Variants in ATP13A3 observed in about 807,000 individuals in gnomAD.
The protein encoded by ATP13A3 is ATPase 13A3, also known as polyamine-transporting ATPase 13A3.
A neutral mutation model predicts 158.1 loss-of-function variants in ATP13A3; 59 were observed. That is an observed-to-expected ratio of 0.37 (90% confidence interval 0.30 to 0.46). The LOEUF is 0.46. ATP13A3 is among the 20% of genes least tolerant of loss of function. The pLI, the probability that ATP13A3 is intolerant of heterozygous loss-of-function variation, is 1.00. For missense variants in ATP13A3, 1,166 were observed against 1,525.2 expected, an observed-to-expected ratio of 0.76 and a Z score of 3.92; for synonymous variants, 491 against 504.3, an observed-to-expected ratio of 0.97 and a Z score of 0.35.
At chr3:194,484,971 C>A (rs572459378) in intron 2 of ATP13A3, among the ~76,000 whole-genome samples, 1 of 151,620 alleles carries the variant, frequency 6.6e-6, no homozygotes, top group Non-Finnish European at 1.5e-5. Context: ...ACAGGAGAAT[C>A]GCTGAAACCC....
chr3:194,476,351 C>T (rs779350381), intron 2 of ATP13A3, among the ~76,000 whole-genome samples: 1 of 152,148 alleles, frequency 6.6e-6, no homozygotes, highest in Non-Finnish European at 1.5e-5. Context: ...GCTTCAGACC[C>T]ACAGATTCAA....
At chr3:194,478,003 A>C (rs957843767) in intron 2 of ATP13A3, among the ~76,000 whole-genome samples, 2 of 152,158 alleles carry the variant, frequency 1.3e-5, no homozygotes, top group Non-Finnish European at 2.9e-5. Flanking sequence ...CAGTGTCTTC[A>C]CTCTAGCCAA....
intron 24 of ATP13A3, 29 bp downstream of exon 24, chr3:194,430,914 C>A: frequency 6.5e-7 from 1 of 1,550,020 alleles, no homozygotes; most frequent in East Asian, 2.3e-5. Flanking sequence ...TCATCAAAAA[C>A]CAAAACCAAA....
chr3:194,480,707 G>T (rs954998176), intron 2 of ATP13A3, among the ~76,000 whole-genome samples: 8 of 152,090 alleles, frequency 5.3e-5, no homozygotes, highest in African/African-American at 1.9e-4. Context: ...TCACACTGTG[G>T]AGTCACATCA....
chr3:194,433,869 A>G lies in ATP13A3; in HGVS notation c.2148T>C (p.Phe716=). ...SRDAIENNMD[F]MGLIIMQNKL... is the part of the protein sequence containing the mutation. Reference sequence around the variant, plus strand: ...TGTTCTGCATTATAATTAATCCCATAAAATCCATGTTGTTCTCAATTGCAT... The same window carrying G: ...TGTTCTGCATTATAATTAATCCCATGAAATCCATGTTGTTCTCAATTGCAT... The change falls in exon 21 of 34, where the codon TTT becomes TTC. Residue 716 remains phenylalanine (F), a synonymous_variant. Coordinates refer to ENST00000645319, the MANE Select transcript of ATP13A3 (RefSeq NM_001367549.1). The G allele has an allele frequency of 6.2e-7, 1 of 1,613,962 alleles. No homozygotes were observed. The highest frequency in any genetic ancestry group is 8.5e-7 in the Non-Finnish European group (1 of 1,179,864).
At chr3:194,480,131 T>C (rs1720692344) in intron 2 of ATP13A3, among the ~76,000 whole-genome samples, 1 of 152,186 alleles carries the variant, frequency 6.6e-6, no homozygotes, top group Admixed American at 6.5e-5. Flanking sequence ...AATAATAAGT[T>C]ACCCTTCACT....
chr3:194,488,190 T>C (rs1375385428), upstream of ATP13A3: 1 of 152,320 alleles, frequency 6.6e-6, no homozygotes, highest in Non-Finnish European at 1.5e-5. This position sits in a 1 kb window ranked among gnomAD's most constrained non-coding sequence, Gnocchi z 4.1. Context: ...TTTTGTTTCA[T>C]ACCTCACCGT....
In ATP13A3 at chr3:194,441,358, G is replaced by T. The variant is rs1226707973; in HGVS notation, c.1663C>A (p.Leu555Ile). 1.9e-6 allele frequency: 3 copies of T among 1,613,644 alleles called. No homozygotes were observed. The highest frequency in any genetic ancestry group is 2.5e-6 in the Non-Finnish European group (3 of 1,179,690). The change falls in exon 16 of 34, where the codon CTC becomes ATC. Residue 555 changes from leucine to isoleucine, a missense_variant. Leu to Ile is a conservative substitution (Grantham distance 5). Transcript: ENST00000645319. Reference protein sequence around the residue: ...CHSLTKIEGVLSGDPLDLKMF... With the variant: ...CHSLTKIEGVISGDPLDLKMF... ...TTCAGATCAAGTGGATCACCAGAGA[G>T]CACTCCTTCAATTTTTGTAAGTGAA... is the stretch of plus-strand genomic sequence containing the variant.
upstream of ATP13A3, among the ~76,000 whole-genome samples, chr3:194,491,012 C>T (rs149830169): frequency 9.5e-3 from 1,449 of 152,252 alleles, 16 homozygotes; most frequent in African/African-American, 0.033. Flanking sequence ...GACGTGGTGG[C>T]GTGCGCCTGT....
At chr3:194,471,324 T>TAAAAAAAAAAAAAAAAAA (rs59967046) in intron 2 of ATP13A3, among the ~76,000 whole-genome samples, 6 of 88,094 alleles carry the variant, frequency 6.8e-5, no homozygotes, top group African/African-American at 1.8e-4. Flanking sequence ...CAGCAAATTC[T>TAAAAAAAAAAAAAAAAAA]AAAAAAAAAA....
At chr3:194,492,358 T>A (rs1461610138) in intron 2 of ATP13A3, among the ~76,000 whole-genome samples, 1 of 152,230 alleles carries the variant, frequency 6.6e-6, no homozygotes, top group East Asian at 1.9e-4. Flanking sequence ...TACAGGGAAT[T>A]GGTTTCAGAA....
chr3:194,437,616 C>T (rs1306105766), intron 17 of ATP13A3, 43 bp from the exon 18 acceptor site: 9 of 1,535,130 alleles, frequency 5.9e-6, no homozygotes, highest in African/African-American at 2.8e-5. Flanking sequence ...CAGATTAACT[C>T]TATTAACACA....
At chr3:194,436,331 G>A (rs931490585) in intron 20 of ATP13A3, among the ~76,000 whole-genome samples, 6 of 152,234 alleles carry the variant, frequency 3.9e-5, no homozygotes, top group Non-Finnish European at 5.9e-5. Flanking sequence ...GTCATTTGAC[G>A]GGGGGACATG....
intron 14 of ATP13A3, 36 bp from the exon 15 acceptor site, chr3:194,444,822 G>A: frequency 6.6e-7 from 1 of 1,522,112 alleles, no homozygotes. Context: ...ACAAAGTATG[G>A]ATGATGCCTC....
In ATP13A3 at chr3:194,430,329, C is replaced by T; in HGVS notation, c.2625-14G>A. On this transcript the variant is annotated splice_polypyrimidine_tract_variant and intron_variant, in intron 24 of 33. Coordinates refer to ENST00000645319, the MANE Select transcript of ATP13A3 (RefSeq NM_001367549.1). Reference sequence around the variant, plus strand: ...CCAACAAAATAACTAAGAAACAAAACAATGTTAAGATTTTAATTAATTTCT... The same window carrying T: ...CCAACAAAATAACTAAGAAACAAAATAATGTTAAGATTTTAATTAATTTCT... 6.2e-7 allele frequency: 1 copy of T among 1,610,994 alleles called. No individual in the cohort carries two copies. Among genetic ancestry groups the T allele is most frequent in the Non-Finnish European group, 8.5e-7 (1 of 1,177,872 alleles).
intron 30 of ATP13A3, among the ~76,000 whole-genome samples, chr3:194,424,801 C>G (rs971930575): frequency 1.3e-5 from 2 of 152,156 alleles, no homozygotes; most frequent in African/African-American, 4.8e-5. Flanking sequence ...TATACTGGCC[C>G]TTTCTGCAAT....
intron 21 of ATP13A3, 99 bp downstream of exon 21, chr3:194,433,673 A>T: frequency 9.0e-6 from 13 of 1,443,592 alleles, no homozygotes; most frequent in Non-Finnish European, 1.2e-5. Context: ...ACCACTATAG[A>T]CTATATAATA....
intron 6 of ATP13A3, among the ~76,000 whole-genome samples, chr3:194,458,407 G>A (rs1328221894): frequency 6.6e-6 from 1 of 150,804 alleles, no homozygotes; most frequent in East Asian, 2.0e-4. Flanking sequence ...TTGTTTTTAT[G>A]AGACGCAGTT....
chr3:194,404,359 C>T lies in ATP13A3; in HGVS notation c.*1560G>A, dbSNP rs1714798583. 3 of 232,848 alleles carry T rather than the reference C, an allele frequency of 1.3e-5. No homozygotes were observed. In the South Asian group the frequency reaches 1.4e-4, roughly 11 times the overall value. 14.4% of individuals were successfully genotyped at this position (232,848 alleles called of 1,614,324 possible). A position where few individuals can be genotyped will look rare whatever the true frequency, so the allele number is the denominator to read the frequency against. On this transcript the variant is annotated 3_prime_UTR_variant, in exon 34 of 34. Transcript: ENST00000645319. ...TTTTTCTATAGTTACCAAACATCAT[C>T]CAGGTCTTTGCAGCATAAAGAGTGA...
Sources: allele counts gnomAD v4.1 joint callset (sites outside exome capture counted in the v4.1 genomes callset), GRCh38; gene constraint gnomAD v4.1.1; non-coding constraint Gnocchi (gnomAD v3.1); transcripts MANE v1.5; gene names NCBI Gene and HGNC (gene_info 2026-07-23, HGNC 2026-07-21).